CNTN5: variants seen among roughly 807,000 people sequenced by gnomAD.
CNTN5 encodes contactin-5.
A neutral mutation model predicts 129.1 loss-of-function variants in CNTN5; 77 were observed. The observed-to-expected ratio is 0.60, with a 90% CI of 0.50 to 0.72. The LOEUF (loss-of-function observed/expected upper bound fraction) is 0.72. Among genes scored for constraint, CNTN5 ranks in the 30% least tolerant of loss-of-function variants. The pLI is 0.00. For synonymous variants in CNTN5, 509 were observed against 465.6 expected, an observed-to-expected ratio of 1.09 and a Z score of -1.20; for missense variants, 1,478 against 1,328.8, an observed-to-expected ratio of 1.11 and a Z score of -1.75.
chr11:99,184,433 AT>A (rs1468781148), intron 1 of CNTN5, among the ~76,000 whole-genome samples: 1 of 152,072 alleles, frequency 6.6e-6, no homozygotes, highest in Non-Finnish European at 1.5e-5. Context: ...TTTAAGTCAG[AT>A]GTAACTGCTA....
intron 2 of CNTN5, among the ~76,000 whole-genome samples, chr11:99,371,091 ATTTG>A (rs1236439488): frequency 6.6e-6 from 1 of 151,996 alleles, no homozygotes; most frequent in African/African-American, 2.4e-5. Context: ...ATTTTTGCTC[ATTTG>A]TTTGTTTTTA....
chr11:99,963,952 C>T (rs1951021667), intron 8 of CNTN5, among the ~76,000 whole-genome samples: 4 of 152,026 alleles, frequency 2.6e-5, no homozygotes, highest in African/African-American at 9.7e-5. Flanking sequence ...TGATTTGGCT[C>T]TCTGTTTGTC....
chr11:100,083,317 C>CAAAAAAA (rs71050046), intron 13 of CNTN5, among the ~76,000 whole-genome samples: 1 of 127,938 alleles, frequency 7.8e-6, no homozygotes, highest in East Asian at 2.3e-4. Context: ...AACTCTGTCT[C>CAAAAAAA]AAAAAAAAAA....
chr11:99,627,150 G>C (rs577470456), intron 3 of CNTN5, among the ~76,000 whole-genome samples: 3 of 152,012 alleles, frequency 2.0e-5, no homozygotes, highest in African/African-American at 7.2e-5. Context: ...AGCGAAAATT[G>C]TTGGTGCCCA....
chr11:99,028,545 C>A (rs1022794165), intron 1 of CNTN5, among the ~76,000 whole-genome samples: 1 of 151,886 alleles, frequency 6.6e-6, no homozygotes, highest in Non-Finnish European at 1.5e-5. Context: ...AGTTCTCTAA[C>A]TGCTGCATTT....
chr11:100,125,688 G>A (rs1376418051), intron 13 of CNTN5, among the ~76,000 whole-genome samples: 6 of 151,982 alleles, frequency 3.9e-5, no homozygotes, highest in Non-Finnish European at 8.8e-5. Context: ...CCCAGTAATA[G>A]CAATGCTGGG....
chr11:99,342,801 T>C (rs1374430852), intron 2 of CNTN5, among the ~76,000 whole-genome samples: 1 of 152,016 alleles, frequency 6.6e-6, no homozygotes, highest in African/African-American at 2.4e-5. Context: ...TTATACTGTT[T>C]ATTTTTAGGA....
intron 13 of CNTN5, among the ~76,000 whole-genome samples, chr11:100,166,468 T>C (rs553691252): frequency 6.6e-5 from 10 of 151,892 alleles, no homozygotes; most frequent in Non-Finnish European, 1.3e-4. Flanking sequence ...TTATTCAAGG[T>C]AAGTGTTGGC....
chr11:99,341,267 A>G (rs1233052605), intron 2 of CNTN5, among the ~76,000 whole-genome samples: 2 of 152,208 alleles, frequency 1.3e-5, no homozygotes, highest in Middle Eastern at 3.2e-3. Flanking sequence ...AAATAGATGT[A>G]AATATGTATT....
chr11:99,950,952 A>G (rs1482193144), intron 7 of CNTN5, among the ~76,000 whole-genome samples: 2 of 152,192 alleles, frequency 1.3e-5, no homozygotes. Flanking sequence ...TCTTTCACCT[A>G]TTTGAGCCTC....
At chr11:99,823,511 C>A (rs150142674) in intron 4 of CNTN5, among the ~76,000 whole-genome samples, 179 of 151,364 alleles carry the variant, frequency 1.2e-3, no homozygotes, top group African/African-American at 4.0e-3. Context: ...CAGAGAAAAT[C>A]TGAAAAAAAA....
At chr11:100,052,040 C>G (rs948512041) in intron 9 of CNTN5, among the ~76,000 whole-genome samples, 2 of 151,794 alleles carry the variant, frequency 1.3e-5, no homozygotes, top group African/African-American at 2.4e-5. Flanking sequence ...CGTGGCCAAC[C>G]AACTTGGATT....
chr11:100,015,155 G>A lies in CNTN5; in HGVS notation c.980+13019G>A, dbSNP rs1053611108. ...TATATATGTACTCAAGGGGAAGCAC[G>A]AATAAACCAATATATTAAAAAACGT... On this transcript the variant is annotated intron_variant, in intron 9 of 24. Coordinates refer to ENST00000524871, the MANE Select transcript of CNTN5 (RefSeq NM_014361.4). 3.6e-4 allele frequency among the ~76,000 whole-genome samples: 54 copies of A among 152,008 alleles called. 1 individual carries two copies. Among genetic ancestry groups the A allele is most frequent in the Non-Finnish European group, 5.6e-4 (38 of 67,996 alleles).
chr11:100,321,140 A>C (rs1431335974), intron 21 of CNTN5, among the ~76,000 whole-genome samples: 2 of 152,068 alleles, frequency 1.3e-5, no homozygotes, highest in African/African-American at 4.8e-5. Context: ...AGGTCCTTTT[A>C]GATACTATGG....
intron 2 of CNTN5, among the ~76,000 whole-genome samples, chr11:99,394,459 A>T (rs1504719): frequency 0.12 from 18,592 of 151,670 alleles, 1,236 homozygotes; most frequent in Non-Finnish European, 0.16. Flanking sequence ...TTCATTTCAG[A>T]ATCAACTTAT....
intron 8 of CNTN5, among the ~76,000 whole-genome samples, chr11:99,979,375 G>T (rs11602196): frequency 0.13 from 19,858 of 152,186 alleles, 1,397 homozygotes; most frequent in Middle Eastern, 0.17. Flanking sequence ...GCTGATGAAA[G>T]AAAAAGAGTT....
chr11:99,482,617 G>C (rs1945644661), intron 2 of CNTN5, among the ~76,000 whole-genome samples: 1 of 151,972 alleles, frequency 6.6e-6, no homozygotes, highest in African/African-American at 2.4e-5. Flanking sequence ...TTGTTTTCTT[G>C]AAATAAAAAC....
intron 2 of CNTN5, among the ~76,000 whole-genome samples, chr11:99,505,125 T>C (rs1025649974): frequency 2.6e-5 from 4 of 152,186 alleles, no homozygotes; most frequent in Non-Finnish European, 4.4e-5. Flanking sequence ...TCTCTCAGCA[T>C]ACCTCCCATT....
intron 3 of CNTN5, among the ~76,000 whole-genome samples, chr11:99,580,037 T>G (rs190011288): frequency 2.7e-4 from 7 of 25,462 alleles, no homozygotes; most frequent in Non-Finnish European, 4.1e-4. Flanking sequence ...GTTTTTAGCA[T>G]GAAGGTTGTT....
Sources: gnomAD v4.1 joint callset for allele counts (sites outside exome capture counted in the v4.1 genomes callset) on GRCh38, gnomAD v4.1.1 for gene constraint, MANE v1.5 for transcripts, NCBI Gene and HGNC (gene_info 2026-07-23, HGNC 2026-07-21) for gene names.